LDB2: variants seen among roughly 807,000 people sequenced by gnomAD.
The protein encoded by LDB2 is LIM domain-binding protein 2.
LDB2 carries 12 observed loss-of-function variants against 44.3 expected under a neutral mutation model. The ratio of observed to expected loss-of-function variants is 0.27; its 90% CI spans 0.17 to 0.44. LDB2 has a LOEUF of 0.44. LDB2 is among the 20% of genes least tolerant of loss of function. The pLI, the probability that LDB2 is intolerant of heterozygous loss-of-function variation, is 1.00. For synonymous variants in LDB2, 164 were observed against 174.8 expected (o/e 0.94, Z 0.49); for missense variants, 344 against 473.5 (o/e 0.73, Z 2.54).
chr4:16,825,227 T>C (rs796310945), intron 1 of LDB2, among the ~76,000 whole-genome samples: 1 of 152,202 alleles, frequency 6.6e-6, no homozygotes, highest in South Asian at 2.1e-4. Flanking sequence ...ACAGCTCCAA[T>C]TATTCCTAAT....
intron 1 of LDB2, among the ~76,000 whole-genome samples, chr4:16,766,821 C>T (rs1457564811): frequency 6.6e-6 from 1 of 152,006 alleles, no homozygotes; most frequent in African/African-American, 2.4e-5. Context: ...ATATTGGGGT[C>T]TCTCTTTCCT....
Position 16,620,902 on chromosome 4 carries a change from C to T in LDB2, c.236-25027G>A, listed in dbSNP as rs146680672. ...CTGTTTATACCAGAATTATAGATGG[C>T]ATCTTTTACATCTACCTTTGTCTTA... On this transcript the variant is annotated intron_variant, in intron 2 of 7. Coordinates refer to ENST00000304523, the MANE Select transcript of LDB2 (RefSeq NM_001290.5). Among the ~76,000 whole-genome samples the T allele has an allele frequency of 9.3e-3, 1,411 of 152,286 alleles. 23 individuals are homozygous for T. Among genetic ancestry groups the T allele is most frequent in the African/African-American group, 0.033 (1,354 of 41,570 alleles).
chr4:16,553,263 C>G (rs920281639), intron 5 of LDB2, among the ~76,000 whole-genome samples: 3 of 152,144 alleles, frequency 2.0e-5, no homozygotes, highest in African/African-American at 7.2e-5. Flanking sequence ...AGTGATCTTC[C>G]CACTTCAGCC....
chr4:16,800,974 CG>C (rs1777718228), intron 1 of LDB2, among the ~76,000 whole-genome samples: 1 of 152,192 alleles, frequency 6.6e-6, no homozygotes. Context: ...CGCGCCCGGC[CG>C]GAAGACATTT....
At chr4:16,585,133 G>A (rs1319027721) in intron 5 of LDB2, among the ~76,000 whole-genome samples, 5 of 152,138 alleles carry the variant, frequency 3.3e-5, no homozygotes, top group South Asian at 2.1e-4. Flanking sequence ...CCACCCACCC[G>A]CACTATGTCA....
At chr4:16,702,942 C>T (rs1753803356) in intron 2 of LDB2, among the ~76,000 whole-genome samples, 1 of 152,204 alleles carries the variant, frequency 6.6e-6, no homozygotes, top group Non-Finnish European at 1.5e-5. Flanking sequence ...CTCACCTGTA[C>T]TTACGCTGAA....
At chr4:16,887,897 T>C (rs1459556516) in intron 1 of LDB2, among the ~76,000 whole-genome samples, 1 of 152,012 alleles carries the variant, frequency 6.6e-6, no homozygotes, top group African/African-American at 2.4e-5. Flanking sequence ...ATCAGCATAG[T>C]GTAGTGCCCA....
chr4:16,836,636 A>C (rs1346655261), intron 1 of LDB2, among the ~76,000 whole-genome samples: 1 of 152,168 alleles, frequency 6.6e-6, no homozygotes, highest in East Asian at 1.9e-4. Context: ...CCCTTGTCTA[A>C]GATACCCTCC....
chr4:16,754,870 A>T (rs1766197985), intron 2 of LDB2, among the ~76,000 whole-genome samples: 1 of 152,102 alleles, frequency 6.6e-6, no homozygotes, highest in African/African-American at 2.4e-5. Flanking sequence ...ACATAAGAAA[A>T]TGAAGTCTCT....
chr4:16,650,986 C>G (rs1738119676), intron 2 of LDB2, among the ~76,000 whole-genome samples: 1 of 152,210 alleles, frequency 6.6e-6, no homozygotes, highest in Admixed American at 6.5e-5. Flanking sequence ...AATTCAGTAT[C>G]AGCAACTTTC....
chr4:16,885,510 A>G (rs964360649), intron 1 of LDB2, among the ~76,000 whole-genome samples: 1 of 152,204 alleles, frequency 6.6e-6, no homozygotes, highest in African/African-American at 2.4e-5. Context: ...AACATTACAT[A>G]CAAGTCATGA....
At chr4:16,752,861 T>C (rs767540582) in intron 2 of LDB2, among the ~76,000 whole-genome samples, 1 of 151,760 alleles carries the variant, frequency 6.6e-6, no homozygotes, top group Non-Finnish European at 1.5e-5. Context: ...TCCGTGAATG[T>C]TATCTCTGTC....
intron 1 of LDB2, among the ~76,000 whole-genome samples, chr4:16,776,874 C>T (rs1033838494): frequency 2.6e-5 from 4 of 152,342 alleles, no homozygotes; most frequent in East Asian, 1.9e-4. Flanking sequence ...ACCTCAGCAT[C>T]GCAAACATTT....
chr4:16,595,837 C>G lies in LDB2; in HGVS notation c.274G>C (p.Val92Leu), dbSNP rs748608024. The G allele has an allele frequency of 6.2e-7, 1 of 1,613,546 alleles. No individual in the cohort carries two copies. Among genetic ancestry groups the G allele is most frequent in the Non-Finnish European group, 8.5e-7 (1 of 1,179,760 alleles). ...AGGTCGGTCACCCCTCCTTCAAACA[C>G]AGTGCTAAAGTAACGGGGGATGAGG... ...RTLIPRYFST[V>L]FEGGVTDLYY... The change falls in exon 3 of 8, where the codon GTG becomes CTG. Residue 92 changes from valine (V) to leucine (L), a missense_variant. By Grantham distance (32) the Val-to-Leu change is conservative. This residue lies in a region of LDB2 where 226 missense variants were observed against 270.1 expected (regional missense o/e 0.84). Transcript: ENST00000304523.
intron 1 of LDB2, among the ~76,000 whole-genome samples, chr4:16,796,577 T>G (rs1424917998): frequency 6.6e-6 from 1 of 152,132 alleles, no homozygotes; most frequent in Non-Finnish European, 1.5e-5. Context: ...ACACCCCCCT[T>G]GCAAGGAGAT....
At chr4:16,821,360 T>A (rs532186352) in intron 1 of LDB2, among the ~76,000 whole-genome samples, 4 of 150,508 alleles carry the variant, frequency 2.7e-5, no homozygotes, top group African/African-American at 9.7e-5. Flanking sequence ...ACTAGCCGTC[T>A]ACATGGAATA....
At chr4:16,881,166 G>A (rs1010723485) in intron 1 of LDB2, among the ~76,000 whole-genome samples, 4 of 152,210 alleles carry the variant, frequency 2.6e-5, no homozygotes, top group Admixed American at 2.0e-4. Flanking sequence ...GTCTTCATCT[G>A]TAAAGTGGGC....
At chr4:16,851,360 T>C (rs958412872) in intron 1 of LDB2, among the ~76,000 whole-genome samples, 7 of 151,658 alleles carry the variant, frequency 4.6e-5, no homozygotes, top group African/African-American at 1.2e-4. Context: ...CCAAGGACAA[T>C]AGTGTTATGA....
chr4:16,703,442 G>A (rs142400760), intron 2 of LDB2, among the ~76,000 whole-genome samples: 323 of 152,306 alleles, frequency 2.1e-3, no homozygotes, highest in Non-Finnish European at 2.5e-3. Context: ...TGCCAATAAG[G>A]TCATTGTCAT....
Sources: allele counts gnomAD v4.1 joint callset (sites outside exome capture counted in the v4.1 genomes callset), GRCh38; gene constraint gnomAD v4.1.1; regional missense constraint gnomAD v4.1.1; transcripts MANE v1.5; gene names NCBI Gene and HGNC (gene_info 2026-07-23, HGNC 2026-07-21).